SLC2A13: variants seen among roughly 807,000 people sequenced by gnomAD.
The protein encoded by SLC2A13 is solute carrier family 2 member 13.
SLC2A13 carries 32 observed loss-of-function variants against 64.4 expected under a neutral mutation model. The ratio of observed to expected loss-of-function variants is 0.50; its 90% CI spans 0.37 to 0.67. The LOEUF is 0.67. Ranked by LOEUF, SLC2A13 falls within the 30% of genes least tolerant of loss-of-function variation. SLC2A13 has a pLI of 0.00. For missense variants in SLC2A13, 743 were observed against 829.2 expected, an observed-to-expected ratio of 0.90 and a Z score of 1.28; for synonymous variants, 338 against 327.1, an observed-to-expected ratio of 1.03 and a Z score of -0.36.
chr12:40,036,218 C>A (rs1947981544), intron 2 of SLC2A13, among the ~76,000 whole-genome samples: 1 of 152,014 alleles, frequency 6.6e-6, no homozygotes, highest in Non-Finnish European at 1.5e-5. Flanking sequence ...CCAACAGAAG[C>A]TATTAGAAAA....
intron 4 of SLC2A13, chr12:39,908,346 G>C (rs1420077684): frequency 1.3e-5 from 2 of 150,708 alleles, no homozygotes; most frequent in African/African-American, 4.9e-5. Context: ...TACAGAGACT[G>C]TTTTCTTCCT....
chr12:40,105,894 C>G lies in SLC2A13; in HGVS notation c.-86G>C. The G allele has an allele frequency of 7.9e-7, 1 of 1,266,082 alleles. No homozygotes were observed. The highest frequency in any genetic ancestry group is 3.0e-4 in the Middle Eastern group (1 of 3,296). 78.4% of individuals were successfully genotyped at this position (1,266,082 alleles called of 1,614,324 possible). On this transcript the variant is annotated 5_prime_UTR_variant, in exon 1 of 10. Coordinates refer to ENST00000280871, the MANE Select transcript of SLC2A13 (RefSeq NM_052885.4). The surrounding 1 kb of genome is among the most constrained non-coding windows in gnomAD (Gnocchi z 4.2). Reference sequence around the variant, plus strand: ...GCTAGACAGCCCGAGCCGGCGGGAGCAACCGCCGCTGCCGCCGCTTTCTTC... The same window carrying G: ...GCTAGACAGCCCGAGCCGGCGGGAGGAACCGCCGCTGCCGCCGCTTTCTTC...
At chr12:39,837,869 A>T (rs1468233281) in intron 6 of SLC2A13, among the ~76,000 whole-genome samples, 6 of 151,470 alleles carry the variant, frequency 4.0e-5, no homozygotes, top group Non-Finnish European at 7.4e-5. Flanking sequence ...GTGGAGAAAT[A>T]GAAACACTTT....
At chr12:39,851,927 A>C (rs1459483709) in intron 6 of SLC2A13, among the ~76,000 whole-genome samples, 1 of 152,210 alleles carries the variant, frequency 6.6e-6, no homozygotes, top group Admixed American at 6.5e-5. Flanking sequence ...TCTTTTGTAC[A>C]AACTGAAACT....
intron 7 of SLC2A13, among the ~76,000 whole-genome samples, chr12:39,804,190 T>G (rs1941896857): frequency 6.6e-6 from 1 of 152,022 alleles, no homozygotes; most frequent in Admixed American, 6.5e-5. Flanking sequence ...ACAGTTGAAA[T>G]ATTTGTGAAG....
intron 1 of SLC2A13, among the ~76,000 whole-genome samples, chr12:40,104,588 G>T (rs764037495): frequency 6.6e-6 from 1 of 152,070 alleles, no homozygotes; most frequent in Non-Finnish European, 1.5e-5. Context: ...GGATAAAAAA[G>T]GATTCAAATG....
intron 4 of SLC2A13, among the ~76,000 whole-genome samples, chr12:39,914,634 G>T (rs2136045743): frequency 6.6e-6 from 1 of 151,758 alleles, no homozygotes; most frequent in Middle Eastern, 3.4e-3. Flanking sequence ...AAAAGTAATG[G>T]CAAAAACTGC....
chr12:40,093,242 A>G (rs979923357), intron 1 of SLC2A13, among the ~76,000 whole-genome samples: 7 of 152,220 alleles, frequency 4.6e-5, no homozygotes, highest in African/African-American at 1.4e-4. Flanking sequence ...GAAACCATAG[A>G]GTAGTGTCAG....
At chr12:39,790,273 GGTTA>G (rs1160069601) in intron 7 of SLC2A13, among the ~76,000 whole-genome samples, 3 of 150,354 alleles carry the variant, frequency 2.0e-5, no homozygotes, top group East Asian at 3.9e-4. Context: ...ACATTGTGCA[GGTTA>G]GTTACATATG....
chr12:39,924,495 C>G (rs1410623047), intron 4 of SLC2A13, among the ~76,000 whole-genome samples: 1 of 150,194 alleles, frequency 6.7e-6, no homozygotes, highest in African/African-American at 2.4e-5. Flanking sequence ...TTTTTTCTTT[C>G]AATTTTTGAG....
intron 4 of SLC2A13, among the ~76,000 whole-genome samples, chr12:39,899,717 T>G (rs530368250): frequency 6.6e-6 from 1 of 152,302 alleles, no homozygotes; most frequent in Admixed American, 6.5e-5. Context: ...CATCTTTATT[T>G]CTGCCTTCAT....
intron 7 of SLC2A13, among the ~76,000 whole-genome samples, chr12:39,803,204 CAAAAA>C (rs369226817): frequency 1.4e-5 from 1 of 73,736 alleles, no homozygotes; most frequent in South Asian, 4.1e-4. Context: ...GAAGCAAATG[CAAAAA>C]AAAAAAAAAA....
At chr12:40,095,309 G>C (rs991715350) in intron 1 of SLC2A13, among the ~76,000 whole-genome samples, 1 of 152,200 alleles carries the variant, frequency 6.6e-6, no homozygotes, top group Non-Finnish European at 1.5e-5. Flanking sequence ...TCTGCGTGAA[G>C]TAAAATAATG....
chr12:39,808,646 A>C (rs1212314708), intron 7 of SLC2A13, among the ~76,000 whole-genome samples: 1 of 152,162 alleles, frequency 6.6e-6, no homozygotes, highest in Non-Finnish European at 1.5e-5. Flanking sequence ...GTAGCATGTC[A>C]CTATAATTTT....
intron 4 of SLC2A13, among the ~76,000 whole-genome samples, chr12:39,925,282 C>T (rs1945706185): frequency 6.6e-6 from 1 of 152,082 alleles, no homozygotes; most frequent in African/African-American, 2.4e-5. Flanking sequence ...ATCCTCCTGC[C>T]TCTACCTCCC....
chr12:39,877,400 C>T (rs1047794684), intron 4 of SLC2A13, among the ~76,000 whole-genome samples: 1 of 152,132 alleles, frequency 6.6e-6, no homozygotes, highest in Non-Finnish European at 1.5e-5. Flanking sequence ...TTGGAACCCC[C>T]CCTCCATGAT....
At chr12:39,883,699 T>G (rs145676886) in intron 4 of SLC2A13, among the ~76,000 whole-genome samples, 4 of 152,342 alleles carry the variant, frequency 2.6e-5, no homozygotes, top group African/African-American at 9.6e-5. Flanking sequence ...AGTAAAACTT[T>G]GCAAGAACTT....
intron 4 of SLC2A13, among the ~76,000 whole-genome samples, chr12:39,923,814 C>T (rs924886085): frequency 1.3e-5 from 2 of 151,756 alleles, no homozygotes; most frequent in Non-Finnish European, 2.9e-5. Context: ...CTCATCGCAC[C>T]TCAACACCTA....
intron 1 of SLC2A13, among the ~76,000 whole-genome samples, chr12:40,094,846 A>G (rs1938884853): frequency 6.6e-6 from 1 of 152,238 alleles, no homozygotes; most frequent in South Asian, 2.1e-4. Flanking sequence ...TATGAGACAA[A>G]AGAGAAAGAG....
Sources: allele counts gnomAD v4.1 joint callset (sites outside exome capture counted in the v4.1 genomes callset), GRCh38; gene constraint gnomAD v4.1.1; non-coding constraint Gnocchi (gnomAD v3.1); transcripts MANE v1.5; gene names NCBI Gene and HGNC (gene_info 2026-07-23, HGNC 2026-07-21).